DMD: variants seen among roughly 807,000 people sequenced by gnomAD.
DMD encodes mutant dystrophin.
In DMD, 63 loss-of-function variants were observed where a neutral mutation model predicts 330.1. That is an observed-to-expected ratio of 0.19 (90% confidence interval 0.16 to 0.24). The LOEUF is 0.24. DMD is among the 10% of genes least tolerant of loss of function. DMD has a pLI of 1.00. For missense variants in DMD, 3,344 were observed against 2,684.1 expected (o/e 1.25, Z -5.43); for synonymous variants, 1,223 against 959.8 (o/e 1.27, Z -5.07).
At chrX:31,439,621 C>G (rs1361672977) in intron 60 of DMD, among the ~76,000 whole-genome samples, 2 of 112,104 alleles carry the variant, frequency 1.8e-5, no homozygotes, top group African/African-American at 6.5e-5. Flanking sequence ...TGAGTTCCTA[C>G]AGTCAATAAA....
chrX:32,648,061 A>G (rs60855526), intron 9 of DMD, among the ~76,000 whole-genome samples: 3,357 of 111,962 alleles, frequency 0.03, 135 homozygotes, highest in African/African-American at 0.1. Flanking sequence ...TACACTGTGC[A>G]ATTTGAATCA....
intron 37 of DMD, among the ~76,000 whole-genome samples, chrX:32,351,126 A>G (rs2097780361): frequency 9.0e-6 from 1 of 110,722 alleles, no homozygotes; most frequent in Non-Finnish European, 1.9e-5. Flanking sequence ...TAAAAGCTTA[A>G]TAAATGTTGA....
At chrX:31,853,762 T>C (rs936278103) in intron 48 of DMD, among the ~76,000 whole-genome samples, 6 of 111,777 alleles carry the variant, frequency 5.4e-5, no homozygotes, top group Non-Finnish European at 7.5e-5. Context: ...TTAGGTGTTC[T>C]ACATATGAAC....
At chrX:32,769,266 G>C (rs747219615) in intron 7 of DMD, among the ~76,000 whole-genome samples, 2 of 111,872 alleles carry the variant, frequency 1.8e-5, no homozygotes, top group Admixed American at 9.5e-5. Flanking sequence ...AATGCGAAAG[G>C]CATGTCTCAC....
At chrX:33,162,740 A>G (rs1417540550) in intron 1 of DMD, among the ~76,000 whole-genome samples, 1 of 109,031 alleles carries the variant, frequency 9.2e-6, no homozygotes, top group Non-Finnish European at 1.9e-5. Context: ...CCACTTTCTG[A>G]TCTCTGTTTT....
chrX:31,211,793 A>ACTGGATGT (rs1402198491), intron 64 of DMD, among the ~76,000 whole-genome samples: 1 of 112,220 alleles, frequency 8.9e-6, no homozygotes, highest in East Asian at 2.8e-4. Context: ...CTCTGCTAAA[A>ACTGGATGT]CTGGATGTGG....
At chrX:32,732,397 A>G (rs1280720420) in intron 7 of DMD, among the ~76,000 whole-genome samples, 1 of 110,716 alleles carries the variant, frequency 9.0e-6, no homozygotes, top group Non-Finnish European at 1.9e-5. Flanking sequence ...ATTCAGATTC[A>G]GGAAATACAG....
At chrX:32,691,576 G>A (rs1399590216) in intron 9 of DMD, among the ~76,000 whole-genome samples, 1 of 111,183 alleles carries the variant, frequency 9.0e-6, no homozygotes, top group East Asian at 2.8e-4. Context: ...AAAATGGCAT[G>A]GCTATTATGG....
intron 1 of DMD, among the ~76,000 whole-genome samples, chrX:33,279,068 G>C (rs142362322): frequency 0.023 from 2,530 of 111,379 alleles, 66 homozygotes; most frequent in African/African-American, 0.078. Flanking sequence ...TGACCAACTA[G>C]ACCTAATAGA....
At chrX:32,206,483 T>A (rs1179400101) in intron 44 of DMD, 2 of 558,564 alleles carry the variant, frequency 3.6e-6, no homozygotes, top group African/African-American at 4.6e-5. Context: ...AAAAGTCAAA[T>A]CGGAATGGAA....
At chrX:31,709,211 C>A (rs770391952) in intron 52 of DMD, among the ~76,000 whole-genome samples, 1 of 111,553 alleles carries the variant, frequency 9.0e-6, no homozygotes, top group Admixed American at 9.5e-5. Context: ...GTGGAGGTTG[C>A]AGTGAGCCGA....
At chrX:32,594,345 G>A (rs2055276566) in intron 13 of DMD, among the ~76,000 whole-genome samples, 1 of 111,355 alleles carries the variant, frequency 9.0e-6, no homozygotes, top group African/African-American at 3.3e-5. Context: ...AATGGATGAA[G>A]GAATTGTGGT....
chrX:31,192,063 C>G (rs923416011), intron 67 of DMD, among the ~76,000 whole-genome samples: 1 of 112,354 alleles, frequency 8.9e-6, no homozygotes. Flanking sequence ...GTTCCCTGAT[C>G]TGTTATTACA....
At chrX:32,946,310 G>A (rs1230570665) in intron 2 of DMD, among the ~76,000 whole-genome samples, 1 of 108,208 alleles carries the variant, frequency 9.2e-6, no homozygotes, top group African/African-American at 3.4e-5. Flanking sequence ...TTTTTTTTTG[G>A]TTCAAGGAAA....
intron 52 of DMD, among the ~76,000 whole-genome samples, chrX:31,680,675 G>A (rs1470615685): frequency 9.0e-6 from 1 of 111,014 alleles, no homozygotes; most frequent in Non-Finnish European, 1.9e-5. Context: ...ACCGCGCCTG[G>A]CCAACTTCTT....
At chrX:31,429,826 G>C (rs1359677812) in intron 60 of DMD, among the ~76,000 whole-genome samples, 1 of 110,488 alleles carries the variant, frequency 9.1e-6, no homozygotes, top group Non-Finnish European at 1.9e-5. Flanking sequence ...TGGGAAGAGG[G>C]AGATGGGGCA....
intron 52 of DMD, among the ~76,000 whole-genome samples, chrX:31,724,337 A>G (rs4829231): frequency 0.33 from 37,057 of 111,252 alleles, 4,576 homozygotes; most frequent in Admixed American, 0.46. Context: ...GGTTGCAGCA[A>G]TGAATGATGG....
At position 32,713,911 on chromosome X, in the gene DMD, T is replaced by A. The variant is rs187292633; in HGVS notation, c.650-14618A>T. On this transcript the variant is annotated intron_variant, in intron 7 of 78. Coordinates refer to ENST00000357033, the MANE Select transcript of DMD (RefSeq NM_004006.3). The stretch of plus-strand genomic sequence containing the variant: ...CAAATATTATAGCTTAGCCTAGCCT[T>A]CCTTAAACATGCAAGAACACTTACA... 6.3e-5 allele frequency among the ~76,000 whole-genome samples: 7 copies of A among 111,931 alleles called. No individual in the cohort carries two copies. The East Asian group carries it at 1.7e-3, about 27-fold the overall frequency.
chrX:31,165,021 T>G (rs1000612288), intron 74 of DMD, among the ~76,000 whole-genome samples: 7 of 111,802 alleles, frequency 6.3e-5, no homozygotes, highest in African/African-American at 2.3e-4. Flanking sequence ...TTTGGCCATC[T>G]TTTCACCATC....
Sources: gnomAD v4.1 joint callset for allele counts (sites outside exome capture counted in the v4.1 genomes callset) on GRCh38, gnomAD v4.1.1 for gene constraint, MANE v1.5 for transcripts, NCBI Gene and HGNC (gene_info 2026-07-23, HGNC 2026-07-21) for gene names.